The following ENDOD1 variants were observed in gnomAD, a reference collection of about 807,000 sequenced individuals.
The protein encoded by ENDOD1 is endonuclease domain containing 1.
Under a neutral mutation model 6.5 loss-of-function variants are expected in ENDOD1, and 9 were observed. The observed-to-expected ratio is 1.39, with a 90% CI of 0.84 to 2.43. The LOEUF is 2.43. ENDOD1 is among the 30% of genes most tolerant of loss of function. ENDOD1 has a pLI of 0.00. For synonymous variants in ENDOD1, 255 were observed against 255.2 expected (o/e 1.00, Z 0.01); for missense variants, 648 against 635.5 (o/e 1.02, Z -0.21).
chr11:95,107,738 G>A (rs1555111559), intron 1 of ENDOD1, among the ~76,000 whole-genome samples: 1 of 152,042 alleles, frequency 6.6e-6, no homozygotes, highest in East Asian at 1.9e-4. Flanking sequence ...TCGGCTCACT[G>A]CAACTTCTGC....
chr11:95,124,448 A>G (rs1859292250), intron 1 of ENDOD1, among the ~76,000 whole-genome samples: 1 of 152,246 alleles, frequency 6.6e-6, no homozygotes, highest in East Asian at 1.9e-4. Flanking sequence ...CTATCTTGTC[A>G]TCAAACCATA....
intron 1 of ENDOD1, among the ~76,000 whole-genome samples, chr11:95,116,381 C>A (rs147156117): frequency 1.3e-5 from 2 of 152,238 alleles, no homozygotes; most frequent in African/African-American, 4.8e-5. Context: ...GGTCTTCTCT[C>A]TTTTTCTTTT....
chr11:95,111,324 G>A (rs1555111913), intron 1 of ENDOD1, among the ~76,000 whole-genome samples: 1 of 152,126 alleles, frequency 6.6e-6, no homozygotes, highest in East Asian at 1.9e-4. Context: ...AGGCACCAGG[G>A]ACAGGTTTCA....
chr11:95,121,468 T>G (rs946340787), intron 1 of ENDOD1, among the ~76,000 whole-genome samples: 2 of 152,232 alleles, frequency 1.3e-5, no homozygotes, highest in Non-Finnish European at 2.9e-5. Context: ...GTTATTATTT[T>G]CAGTTTCAAT....
At chr11:95,090,336 C>G in intron 1 of ENDOD1, 109 bp downstream of exon 1, 2 of 1,304,526 alleles carry the variant, frequency 1.5e-6, no homozygotes, top group East Asian at 6.2e-5. Context: ...GCAATCCCTA[C>G]GCCTTCGGTG....
chr11:95,107,679 G>C (rs1859103233), intron 1 of ENDOD1, among the ~76,000 whole-genome samples: 1 of 151,978 alleles, frequency 6.6e-6, no homozygotes, highest in Non-Finnish European at 1.5e-5. Flanking sequence ...TTGTTTGTTT[G>C]AGACGGAGTC....
chr11:95,106,825 C>T (rs1332485612), intron 1 of ENDOD1, among the ~76,000 whole-genome samples: 1 of 151,950 alleles, frequency 6.6e-6, no homozygotes. Context: ...TAGACACCCC[C>T]CCCTTTCCCC....
intron 1 of ENDOD1, among the ~76,000 whole-genome samples, chr11:95,102,613 A>G (rs1555111006): frequency 2.0e-5 from 3 of 152,342 alleles, no homozygotes; most frequent in African/African-American, 7.2e-5. Flanking sequence ...CAGAGGTTGC[A>G]GTGAGCTGAG....
chr11:95,089,878 G>A lies in ENDOD1; in HGVS notation c.-50G>A. ...GCTCCCCGCCCAGCCTGCAGAGCTC[G>A]CGCCGCGGCAGCCCAGCCGCTCGGC... On this transcript the variant is annotated 5_prime_UTR_variant, in exon 1 of 2. Coordinates refer to ENST00000278505, the MANE Select transcript of ENDOD1 (RefSeq NM_015036.3). 2 of 1,286,438 alleles carry A rather than the reference G, an allele frequency of 1.6e-6. No homozygotes were observed. The highest frequency in any genetic ancestry group is 2.0e-6 in the Non-Finnish European group (2 of 1,014,630). The allele number at this position is 1,286,438 out of a possible 1,614,324, so 79.7% of individuals were successfully genotyped here.
intron 1 of ENDOD1, among the ~76,000 whole-genome samples, chr11:95,108,236 C>G (rs1271577875): frequency 1.3e-5 from 2 of 152,148 alleles, no homozygotes; most frequent in Admixed American, 6.5e-5. Flanking sequence ...TTTTATCTTC[C>G]GTTCCACCGT....
At position 95,110,226 on chromosome 11, in the gene ENDOD1, C is replaced by T. The variant is rs142492261; in HGVS notation, c.301-18151C>T. Among the ~76,000 whole-genome samples, 11 of 152,330 alleles carry T rather than the reference C, an allele frequency of 7.2e-5. No homozygotes were observed. In the East Asian group the frequency reaches 1.9e-3, roughly 27 times the overall value. On this transcript the variant is annotated intron_variant, in intron 1 of 1. Coordinates refer to ENST00000278505, the MANE Select transcript of ENDOD1 (RefSeq NM_015036.3). ...TTCCCTGAGTAATTGCCAACACCAG[C>T]CCTCATCTGCCCTCCTTTCATCCTC...
intron 1 of ENDOD1, among the ~76,000 whole-genome samples, chr11:95,096,781 C>G (rs1471077486): frequency 2.0e-5 from 3 of 152,030 alleles, no homozygotes; most frequent in Non-Finnish European, 4.4e-5. Context: ...ATTCTAAGTC[C>G]TGGAAAGAGA....
At position 95,129,030 on chromosome 11, in the gene ENDOD1, A is replaced by G. The variant is rs371941104; in HGVS notation, c.954A>G (p.Pro318=). 1.4e-4 allele frequency: 220 copies of G among 1,613,684 alleles called. No individual in the cohort carries two copies. Among genetic ancestry groups the G allele is most frequent in the Non-Finnish European group, 1.8e-4 (212 of 1,179,816 alleles). Residue 318 remains proline (P), a synonymous_variant, in exon 2 of 2, where the codon CCA becomes CCG. Transcript: ENST00000278505. ...TRSKRSTLLP[P]EASEGSSSFL... The stretch of plus-strand genomic sequence containing the variant: ...GCAAGAGGTCTACTCTGTTGCCTCC[A>G]GAGGCATCTGAGGGAAGTAGTAGCT...
chr11:95,099,938 G>A (rs1454526562), intron 1 of ENDOD1, among the ~76,000 whole-genome samples: 2 of 152,112 alleles, frequency 1.3e-5, no homozygotes, highest in African/African-American at 2.4e-5. Flanking sequence ...AAATATCTAC[G>A]GTTGATGTTT....
intron 1 of ENDOD1, among the ~76,000 whole-genome samples, chr11:95,125,415 G>A (rs983623490): frequency 6.6e-6 from 1 of 152,088 alleles, no homozygotes; most frequent in African/African-American, 2.4e-5. Context: ...AGAGACAGCA[G>A]CTTAACCAAA....
rs1859177430 is a variant in ENDOD1, at chr11:95,114,054, C to G, written c.301-14323C>G. Among the ~76,000 whole-genome samples, 8 of 152,298 alleles carry G rather than the reference C, an allele frequency of 5.3e-5. No individual in the cohort carries two copies. The South Asian group carries it at 1.7e-3, about 32-fold the overall frequency. On this transcript the variant is annotated intron_variant, in intron 1 of 1. Transcript: ENST00000278505. ...GGGCACTTTTTCATATACCTGTTTG[C>G]TATTCGTATGTCTTCTTTTGAGAAA...
intron 1 of ENDOD1, among the ~76,000 whole-genome samples, chr11:95,109,175 TCTC>T (rs1555111689): frequency 1.3e-5 from 2 of 152,224 alleles, no homozygotes; most frequent in Admixed American, 6.5e-5. Context: ...CCCTAGGTCA[TCTC>T]CTGACCACAG....
At chr11:95,103,100 G>GGGGTGT (rs1491376570) in intron 1 of ENDOD1, among the ~76,000 whole-genome samples, 337 of 85,608 alleles carry the variant, frequency 3.9e-3, no homozygotes, top group South Asian at 0.036. Flanking sequence ...AGGCAGAGTG[G>GGGGTGT]GTGTGTGTGT....
At chr11:95,123,630 G>C (rs1329250502) in intron 1 of ENDOD1, among the ~76,000 whole-genome samples, 2 of 151,108 alleles carry the variant, frequency 1.3e-5, no homozygotes, top group African/African-American at 4.9e-5. Flanking sequence ...ATACATTTTG[G>C]GATGATAAAT....
Sources: allele counts gnomAD v4.1 joint callset (sites outside exome capture counted in the v4.1 genomes callset), GRCh38; gene constraint gnomAD v4.1.1; transcripts MANE v1.5; gene names NCBI Gene and HGNC (gene_info 2026-07-23, HGNC 2026-07-21).